TSHR: variants seen among roughly 807,000 people sequenced by gnomAD.
TSHR encodes the protein thyrotropin receptor.
A neutral mutation model predicts 64.1 loss-of-function variants in TSHR; 51 were observed. The observed-to-expected ratio is 0.80, with a 90% CI of 0.64 to 1.01. The LOEUF is 1.01. Among genes scored for constraint, TSHR ranks in the 50% least tolerant of loss-of-function variants. The pLI is 0.00. For synonymous variants in TSHR, 361 were observed against 361.9 expected (o/e 1.00, Z 0.03); for missense variants, 877 against 942.8 (o/e 0.93, Z 0.91).
chr14:81,066,458 G>C (rs1886617640), intron 2 of TSHR, among the ~76,000 whole-genome samples: 1 of 152,178 alleles, frequency 6.6e-6, no homozygotes, highest in African/African-American at 2.4e-5. Flanking sequence ...AAGAGGCAAA[G>C]GGTTAAGAGA....
In TSHR at chr14:81,060,167, C is replaced by A. The variant is rs1435868508; in HGVS notation, c.171-1981C>A. Among the ~76,000 whole-genome samples the A allele has an allele frequency of 2.0e-5, 3 of 152,142 alleles. No individual in the cohort carries two copies. In the South Asian group the frequency reaches 6.2e-4, roughly 31 times the overall value. On this transcript the variant is annotated intron_variant, in intron 1 of 9. Transcript: ENST00000298171. ...TTACAGTTTAGTCCCATATTACCTA[C>A]AATCTTACCGTAAGTATGCCCACAA...
chr14:80,993,151 C>T (rs915357140), intron 1 of TSHR: 1 of 152,182 alleles, frequency 6.6e-6, no homozygotes, highest in Non-Finnish European at 1.5e-5. Context: ...GTAGGCAAAA[C>T]TTAGACCAAA....
At chr14:81,110,340 G>T (rs1398798686) in intron 8 of TSHR, among the ~76,000 whole-genome samples, 1 of 152,136 alleles carries the variant, frequency 6.6e-6, no homozygotes, top group African/African-American at 2.4e-5. Context: ...CTGACAGGTG[G>T]CCTCATAAGA....
rs1287622394 is a variant in TSHR, at chr14:81,139,758, T to C, written c.772T>C (p.Trp258Arg). The change falls in exon 9 of 10, where the codon TGG (tryptophan) becomes CGG (arginine). Residue 258 changes from tryptophan to arginine, a missense_variant. Physicochemically the swap from Trp to Arg is moderately radical, Grantham distance 101. Transcript: ENST00000298171. ...HLKELIARNTWTLKKLPLSLS... is the reference protein window; with the variant it reads ...HLKELIARNTRTLKKLPLSLS... ...GAAGGAACTGATAGCAAGAAACACC[T>C]GGACTCTTAAGAAACTTCCACTTTC... 1 of 1,614,228 alleles carries C rather than the reference T, an allele frequency of 6.2e-7. No homozygotes were observed. The highest frequency in any genetic ancestry group is 2.2e-5 in the East Asian group (1 of 44,892).
At chr14:80,980,948 T>G (rs1411739492) in intron 1 of TSHR, among the ~76,000 whole-genome samples, 3 of 152,230 alleles carry the variant, frequency 2.0e-5, no homozygotes, top group African/African-American at 7.2e-5. Flanking sequence ...CTGTTCATTT[T>G]TGTGGTTTTG....
intron 1 of TSHR, among the ~76,000 whole-genome samples, chr14:80,964,727 T>C (rs1487686871): frequency 2.6e-5 from 4 of 152,138 alleles, no homozygotes; most frequent in African/African-American, 9.7e-5. Context: ...TGCTTTGGAA[T>C]AATTTGGCAT....
At chr14:81,058,033 C>T (rs772468297) in intron 1 of TSHR, among the ~76,000 whole-genome samples, 2 of 152,244 alleles carry the variant, frequency 1.3e-5, no homozygotes, top group African/African-American at 2.4e-5. Flanking sequence ...AGCCTAGTAT[C>T]ATGCAAGATT....
In TSHR at chr14:81,143,227, G is replaced by T. The variant is rs371139156; in HGVS notation, c.1169G>T (p.Cys390Phe). The stretch of plus-strand genomic sequence containing the variant: ...GACAGCCATTATGACTACACCATAT[G>T]TGGGGACAGTGAAGACATGGTGTGT... The part of the protein sequence containing the change: ...AFDSHYDYTI[C>F]GDSEDMVCTP... The change falls in exon 10 of 10, where the codon TGT becomes TTT. Residue 390 changes from cysteine (C) to phenylalanine (F), a missense_variant. By Grantham distance (205) the Cys-to-Phe change is radical (BLOSUM62 -2). Coordinates refer to ENST00000298171, the MANE Select transcript of TSHR (RefSeq NM_000369.5). 54 of 1,614,078 alleles carry T rather than the reference G, an allele frequency of 3.3e-5. No individual in the cohort carries two copies. Among genetic ancestry groups the T allele is most frequent in the East Asian group, 8.9e-5 (4 of 44,888 alleles).
chr14:81,033,114 T>C (rs896862259), intron 1 of TSHR: 1 of 359,494 alleles, frequency 2.8e-6, no homozygotes, highest in Non-Finnish European at 5.4e-6. Context: ...GAAATGCTGC[T>C]CAGAAATTCA....
At chr14:80,982,815 C>A in intron 1 of TSHR, 1 of 527,872 alleles carries the variant, frequency 1.9e-6, no homozygotes, top group Non-Finnish European at 3.4e-6. Flanking sequence ...GCTCACAGCC[C>A]ATCCCTGAGT....
intron 7 of TSHR, chr14:81,107,132 C>T (rs537200131): frequency 6.6e-6 from 1 of 152,270 alleles, no homozygotes; most frequent in East Asian, 1.9e-4. Flanking sequence ...TCAACGAAGA[C>T]TCATGCCTGG....
At chr14:81,110,058 T>A (rs917924599) in intron 8 of TSHR, among the ~76,000 whole-genome samples, 2 of 152,234 alleles carry the variant, frequency 1.3e-5, no homozygotes, top group African/African-American at 4.8e-5. Flanking sequence ...TAGAAACAGG[T>A]ATTTGGAAAT....
chr14:81,009,925 G>A (rs186860229), intron 1 of TSHR, among the ~76,000 whole-genome samples: 1,799 of 152,142 alleles, frequency 0.012, 19 homozygotes, highest in African/African-American at 0.016. Flanking sequence ...TGGAAGACAA[G>A]TTAACTTCAA....
chr14:81,056,442 G>A (rs1312528607), intron 1 of TSHR, among the ~76,000 whole-genome samples: 1 of 152,104 alleles, frequency 6.6e-6, no homozygotes, highest in South Asian at 2.1e-4. Flanking sequence ...TAAAGTATAA[G>A]TATACTTATA....
At chr14:81,068,233 T>A (rs374190849) in intron 2 of TSHR, 21 bp from the exon 3 acceptor site, 2 of 1,610,800 alleles carry the variant, frequency 1.2e-6, no homozygotes, top group Non-Finnish European at 1.7e-6. Context: ...CTACTTTGTC[T>A]TATATTTTTC....
intron 8 of TSHR, among the ~76,000 whole-genome samples, chr14:81,130,434 T>A (rs1191035063): frequency 6.6e-6 from 1 of 152,220 alleles, no homozygotes; most frequent in South Asian, 2.1e-4. Flanking sequence ...TATTCTTCTT[T>A]TGGCTTCCAA....
At chr14:81,075,452 C>G (rs1234769801) in intron 3 of TSHR, among the ~76,000 whole-genome samples, 1 of 152,140 alleles carries the variant, frequency 6.6e-6, no homozygotes, top group Non-Finnish European at 1.5e-5. Context: ...TCAATAAATA[C>G]AGTATGTTTA....
In TSHR at chr14:81,103,928, T is replaced by A. The variant is rs1889737383; in HGVS notation, c.615-4447T>A. ...ATATGCTAAGAGCCCACCAATACAC[T>A]AATTATTATGAACAGAGTCAACAGA... On this transcript the variant is annotated intron_variant, in intron 7 of 9. Transcript: ENST00000298171. This position sits in a 1 kb window ranked among gnomAD's most constrained non-coding sequence, Gnocchi z 4.1. 9.1e-6 allele frequency: 9 copies of A among 985,336 alleles called. No homozygotes were observed. The highest frequency in any genetic ancestry group is 1.7e-5 in the African/African-American group (1 of 57,252). 61.0% of individuals were successfully genotyped at this position (985,336 alleles called of 1,614,324 possible).
rs552670071 is a variant in TSHR, at chr14:81,039,912, C to T, written c.171-22236C>T. On this transcript the variant is annotated intron_variant, in intron 1 of 9. Coordinates refer to ENST00000298171, the MANE Select transcript of TSHR (RefSeq NM_000369.5). The stretch of plus-strand genomic sequence containing the variant: ...ACTACTCCCAAAAGATCTACAGATT[C>T]AATGAAATCCTTATCAAAATTCCAA... Among the ~76,000 whole-genome samples the T allele has an allele frequency of 9.9e-4, 150 of 151,900 alleles. 1 individual carries two copies. Among genetic ancestry groups the T allele is most frequent in the Non-Finnish European group, 1.9e-3 (126 of 67,906 alleles).
Sources: gnomAD v4.1 joint callset for allele counts (sites outside exome capture counted in the v4.1 genomes callset) on GRCh38, gnomAD v4.1.1 for gene constraint, Gnocchi (gnomAD v3.1) non-coding constraint, MANE v1.5 for transcripts, NCBI Gene and HGNC (gene_info 2026-07-23, HGNC 2026-07-21) for gene names.